Variants in NRXN3 observed in about 807,000 individuals in gnomAD.
The protein encoded by NRXN3 is neurexin III.
A neutral mutation model predicts 137.6 loss-of-function variants in NRXN3; 32 were observed. The observed-to-expected ratio is 0.23, with a 90% CI of 0.18 to 0.31. NRXN3 has a LOEUF of 0.31. NRXN3 is among the 10% of genes least tolerant of loss of function. The pLI, the probability that NRXN3 is intolerant of heterozygous loss-of-function variation, is 1.00. For synonymous variants in NRXN3, 798 were observed against 784.5 expected (o/e 1.02, Z -0.29); for missense variants, 1,574 against 2,062.5 (o/e 0.76, Z 4.59).
intron 19 of NRXN3, among the ~76,000 whole-genome samples, chr14:79,699,017 A>G (rs1471898007): frequency 2.6e-5 from 4 of 152,006 alleles, no homozygotes; most frequent in Non-Finnish European, 5.9e-5. Context: ...TTCCTTGAGC[A>G]GAAGTATCCA....
chr14:78,956,375 C>T (rs1485489951), intron 10 of NRXN3, among the ~76,000 whole-genome samples: 1 of 152,170 alleles, frequency 6.6e-6, no homozygotes, highest in East Asian at 1.9e-4. Flanking sequence ...CTTTGTCTCT[C>T]TTGCCATCTT....
intron 19 of NRXN3, among the ~76,000 whole-genome samples, chr14:79,728,221 T>A (rs1275711747): frequency 6.6e-6 from 1 of 152,160 alleles, no homozygotes; most frequent in African/African-American, 2.4e-5. Flanking sequence ...CAAAGCAGGA[T>A]CTTTGTACGT....
chr14:78,545,211 G>A (rs1438040322), intron 4 of NRXN3, among the ~76,000 whole-genome samples: 1 of 152,196 alleles, frequency 6.6e-6, no homozygotes. Flanking sequence ...CTGGCACCCT[G>A]TGCTCTGAGG....
intron 16 of NRXN3, among the ~76,000 whole-genome samples, chr14:79,593,156 G>T (rs1212331827): frequency 6.6e-6 from 1 of 151,882 alleles, no homozygotes; most frequent in Middle Eastern, 3.2e-3. Flanking sequence ...ACTGTTCACT[G>T]TGAGAAAACT....
At chr14:78,807,734 C>CAAAAAAAAAA (rs144921592) in intron 9 of NRXN3, among the ~76,000 whole-genome samples, 1 of 111,726 alleles carries the variant, frequency 9.0e-6, no homozygotes, top group African/African-American at 3.2e-5. Context: ...GATTCTGTCT[C>CAAAAAAAAAA]AAAAAAAAAA....
chr14:78,744,696 T>C (rs2098599135), intron 8 of NRXN3: 1 of 152,220 alleles, frequency 6.6e-6, no homozygotes, highest in African/African-American at 2.4e-5. Flanking sequence ...TTCCACACCT[T>C]TTTTTAATGA....
At chr14:78,456,799 C>CTTTTTCTT (rs1177466177) in intron 4 of NRXN3, among the ~76,000 whole-genome samples, 6 of 97,620 alleles carry the variant, frequency 6.1e-5, no homozygotes, top group African/African-American at 1.8e-4. Flanking sequence ...CTCTCTTTCT[C>CTTTTTCTT]TCTTTCTTTC....
intron 4 of NRXN3, among the ~76,000 whole-genome samples, chr14:78,390,882 C>T (rs1358154388): frequency 1.3e-5 from 2 of 152,146 alleles, no homozygotes; most frequent in African/African-American, 4.8e-5. Flanking sequence ...ATCAACCCAT[C>T]ACTAGGTATT....
chr14:79,584,379 C>A (rs1020731622), intron 16 of NRXN3, among the ~76,000 whole-genome samples: 1 of 152,084 alleles, frequency 6.6e-6, no homozygotes, highest in Non-Finnish European at 1.5e-5. Flanking sequence ...ACACAGAATA[C>A]CCTACTCTTC....
At chr14:79,823,205 T>C (rs1269823393) in intron 20 of NRXN3, among the ~76,000 whole-genome samples, 1 of 152,178 alleles carries the variant, frequency 6.6e-6, no homozygotes, top group Non-Finnish European at 1.5e-5. Flanking sequence ...TCTATACCAA[T>C]AACCTCCTGA....
chr14:79,815,372 G>GA (rs901708862), intron 20 of NRXN3, among the ~76,000 whole-genome samples: 56 of 152,304 alleles, frequency 3.7e-4, no homozygotes, highest in Admixed American at 5.9e-4. Context: ...GATTTCAGAT[G>GA]AAAAATCTGT....
rs528951481 is a variant in NRXN3 at position 79,786,491 on chromosome 14, T to A, written c.4015-18621T>A. Among the ~76,000 whole-genome samples the A allele has an allele frequency of 3.3e-5, 5 of 152,340 alleles. No homozygotes were observed. In the South Asian group the frequency reaches 1.0e-3, roughly 32 times the overall value. On this transcript the variant is annotated intron_variant, in intron 19 of 20. Transcript: ENST00000335750. The stretch of plus-strand genomic sequence containing the variant: ...ATTTATTGCTTTTGCCTATAAGATG[T>A]TGCTTATGTGGGAAATTAAGAGTCC...
chr14:78,374,421 G>A (rs946626451), intron 4 of NRXN3, among the ~76,000 whole-genome samples: 17 of 152,146 alleles, frequency 1.1e-4, no homozygotes. Context: ...TTGTCAAACT[G>A]TATTATTCTT....
chr14:78,539,468 T>C (rs2153818514), intron 4 of NRXN3, among the ~76,000 whole-genome samples: 1 of 152,210 alleles, frequency 6.6e-6, no homozygotes, highest in African/African-American at 2.4e-5. Context: ...ATATCCCCTT[T>C]TTTTTATTGC....
chr14:78,385,559 T>C (rs2089848918), intron 4 of NRXN3, among the ~76,000 whole-genome samples: 1 of 152,298 alleles, frequency 6.6e-6, no homozygotes, highest in East Asian at 1.9e-4. Context: ...CCCCTTCTTA[T>C]GATGAATGTG....
intron 6 of NRXN3, among the ~76,000 whole-genome samples, chr14:78,693,805 G>C (rs181699795): frequency 3.3e-4 from 50 of 151,588 alleles, no homozygotes; most frequent in African/African-American, 1.0e-3. Flanking sequence ...CTGAACCAGA[G>C]CGATTTCCTA....
chr14:78,296,439 C>T (rs1037314262), intron 3 of NRXN3, among the ~76,000 whole-genome samples: 6 of 152,128 alleles, frequency 3.9e-5, no homozygotes, highest in African/African-American at 9.7e-5. Context: ...TTTTAAGAAC[C>T]TTTATTTCTA....
At chr14:78,704,867 C>T (rs554914687) in intron 6 of NRXN3, among the ~76,000 whole-genome samples, 10 of 149,872 alleles carry the variant, frequency 6.7e-5, no homozygotes, top group African/African-American at 9.7e-5. Context: ...TATATTGTTC[C>T]GGCTCTCAGC....
intron 10 of NRXN3, among the ~76,000 whole-genome samples, chr14:78,917,690 G>A (rs2099259232): frequency 6.6e-6 from 1 of 152,058 alleles, no homozygotes; most frequent in Admixed American, 6.6e-5. Flanking sequence ...GAGCACCCAG[G>A]AATGACTGTC....
Sources: gnomAD v4.1 joint callset for allele counts (sites outside exome capture counted in the v4.1 genomes callset) on GRCh38, gnomAD v4.1.1 for gene constraint, MANE v1.5 for transcripts, NCBI Gene and HGNC (gene_info 2026-07-23, HGNC 2026-07-21) for gene names.